Variants in SSBP3 observed in about 807,000 individuals in gnomAD.
The protein encoded by SSBP3 is single-stranded DNA-binding protein 3.
In SSBP3, 5 loss-of-function variants were observed where a neutral mutation model predicts 69.6. That is an observed-to-expected ratio of 0.07 (90% CI 0.04 to 0.15). The LOEUF (loss-of-function observed/expected upper bound fraction) is 0.15. Ranked by LOEUF, SSBP3 falls within the 10% of genes least tolerant of loss-of-function variation. The probability of loss-of-function intolerance (pLI) is 1.00; values close to 1 mark genes in which losing one functional copy is unlikely to be tolerated. For missense variants in SSBP3, 312 were observed against 534.0 expected (o/e 0.58, Z 4.10); for synonymous variants, 196 against 193.4 (o/e 1.01, Z -0.11).
chr1:54,280,206 G>A (rs1017731966), intron 5 of SSBP3, among the ~76,000 whole-genome samples: 4 of 152,152 alleles, frequency 2.6e-5, no homozygotes, highest in Non-Finnish European at 5.9e-5. Flanking sequence ...CTTCTCTCAG[G>A]AGTTAACACC....
At chr1:54,348,936 T>C (rs777207951) in intron 4 of SSBP3, among the ~76,000 whole-genome samples, 1 of 152,182 alleles carries the variant, frequency 6.6e-6, no homozygotes, top group Non-Finnish European at 1.5e-5. Context: ...GGTAGCCTAG[T>C]GTCTTGTTGA....
chr1:54,288,309 T>C (rs1426605467), intron 4 of SSBP3, among the ~76,000 whole-genome samples: 1 of 152,154 alleles, frequency 6.6e-6, no homozygotes, highest in Non-Finnish European at 1.5e-5. Context: ...CCCCGGGCCC[T>C]GGACTCCACA....
chr1:54,400,965 C>T (rs1424792176), intron 4 of SSBP3, among the ~76,000 whole-genome samples: 1 of 152,160 alleles, frequency 6.6e-6, no homozygotes, highest in Non-Finnish European at 1.5e-5. Flanking sequence ...AGAGCAAGAC[C>T]ATTAGATCAC....
intron 4 of SSBP3, among the ~76,000 whole-genome samples, chr1:54,332,794 G>C (rs1357697644): frequency 6.6e-6 from 1 of 152,108 alleles, no homozygotes; most frequent in Non-Finnish European, 1.5e-5. Flanking sequence ...CACTCAACAA[G>C]GGCCCTGAGA....
At chr1:54,228,510 T>C (rs761498547) in intron 15 of SSBP3, 33 bp from the exon 16 acceptor site, 1 of 1,613,968 alleles carries the variant, frequency 6.2e-7, no homozygotes, top group Non-Finnish European at 8.5e-7. Context: ...TTCAGTTTCT[T>C]GCTTGCTCTT....
At chr1:54,376,084 A>T (rs1332421712) in intron 4 of SSBP3, among the ~76,000 whole-genome samples, 2 of 152,064 alleles carry the variant, frequency 1.3e-5, no homozygotes, top group Non-Finnish European at 2.9e-5. Context: ...CAGTTATGCA[A>T]ACAGGGACCC....
At chr1:54,236,552 G>T (rs10127740) in intron 14 of SSBP3, 42,060 of 152,200 alleles carry the variant, frequency 0.28, 5,899 homozygotes, top group Non-Finnish European at 0.31. Context: ...TCGGGTTACA[G>T]GCGTAAGCCA....
intron 7 of SSBP3, among the ~76,000 whole-genome samples, chr1:54,256,638 T>C (rs1644926085): frequency 6.6e-6 from 1 of 152,220 alleles, no homozygotes; most frequent in South Asian, 2.1e-4. Context: ...TCTCCTGCTC[T>C]GCTGCATCCA....
intron 4 of SSBP3, among the ~76,000 whole-genome samples, chr1:54,364,136 A>G (rs1344224843): frequency 2.0e-5 from 3 of 152,248 alleles, no homozygotes; most frequent in Non-Finnish European, 4.4e-5. Context: ...CTGTATTTGT[A>G]AATAAAGTTT....
intron 4 of SSBP3, among the ~76,000 whole-genome samples, chr1:54,360,241 G>A: frequency 6.6e-6 from 1 of 152,152 alleles, no homozygotes; most frequent in East Asian, 1.9e-4. Context: ...CAAAAGAGCT[G>A]TCTAGAAGCT....
intron 4 of SSBP3, among the ~76,000 whole-genome samples, chr1:54,376,484 CA>C (rs1302442520): frequency 1.3e-5 from 2 of 152,202 alleles, no homozygotes; most frequent in Admixed American, 1.3e-4. Context: ...GCTCTGACTT[CA>C]TTTTGCTAAT....
intron 4 of SSBP3, among the ~76,000 whole-genome samples, chr1:54,310,055 G>A (rs1645972494): frequency 6.6e-6 from 1 of 152,146 alleles, no homozygotes; most frequent in Non-Finnish European, 1.5e-5. Flanking sequence ...CGCAGATCTC[G>A]GTCCAGAGCT....
chr1:54,352,111 T>C (rs868056829), intron 4 of SSBP3, among the ~76,000 whole-genome samples: 3 of 152,082 alleles, frequency 2.0e-5, no homozygotes, highest in Non-Finnish European at 1.5e-5. Flanking sequence ...AACTGGGCAA[T>C]ATAGTGAGAC....
At chr1:54,393,264 C>T (rs994876019) in intron 4 of SSBP3, among the ~76,000 whole-genome samples, 4 of 152,240 alleles carry the variant, frequency 2.6e-5, no homozygotes, top group Non-Finnish European at 5.9e-5. Context: ...CTCCTCCAAT[C>T]ACTGGGGCAG....
chr1:54,292,710 AG>A (rs2100954651), intron 4 of SSBP3, among the ~76,000 whole-genome samples: 1 of 152,294 alleles, frequency 6.6e-6, no homozygotes, highest in African/African-American at 2.4e-5. Flanking sequence ...TGCCAAAGCA[AG>A]GGAATGCTAA....
intron 13 of SSBP3, among the ~76,000 whole-genome samples, chr1:54,239,480 G>A (rs898088605): frequency 3.9e-5 from 6 of 152,182 alleles, no homozygotes; most frequent in African/African-American, 9.7e-5. Flanking sequence ...CTGGTCCCCA[G>A]ACACTGCCTG....
chr1:54,347,774 C>T (rs1006027923), intron 4 of SSBP3, among the ~76,000 whole-genome samples: 10 of 152,202 alleles, frequency 6.6e-5, no homozygotes, highest in Admixed American at 1.3e-4. Context: ...CCAAGGATTG[C>T]AGCAACGCTG....
At chr1:54,274,065 CCT>C (rs1052559874) in intron 5 of SSBP3, among the ~76,000 whole-genome samples, 13 of 152,168 alleles carry the variant, frequency 8.5e-5, no homozygotes, top group African/African-American at 2.9e-4. Context: ...CACATCCACC[CCT>C]GACACAGCAC....
At chr1:54,304,126 G>A (rs1645853699) in intron 4 of SSBP3, among the ~76,000 whole-genome samples, 1 of 152,208 alleles carries the variant, frequency 6.6e-6, no homozygotes, top group Non-Finnish European at 1.5e-5. Context: ...AGCCTGTGCA[G>A]GACAAGGGAG....
Sources: gnomAD v4.1 joint callset for allele counts (sites outside exome capture counted in the v4.1 genomes callset) on GRCh38, gnomAD v4.1.1 for gene constraint, MANE v1.5 for transcripts, NCBI Gene and HGNC (gene_info 2026-07-23, HGNC 2026-07-21) for gene names.